The following CAMSAP2 variants were observed in gnomAD, a reference collection of about 807,000 sequenced individuals.
CAMSAP2 encodes the protein calmodulin regulated spectrin associated protein family member 2.
CAMSAP2 carries 26 observed loss-of-function variants against 146.1 expected under a neutral mutation model. The ratio of observed to expected loss-of-function variants is 0.18; its 90% CI spans 0.13 to 0.25. The LOEUF is 0.25. Ranked by LOEUF, CAMSAP2 falls within the 10% of genes least tolerant of loss-of-function variation. CAMSAP2 has a pLI of 1.00. For missense variants in CAMSAP2, 1,381 were observed against 1,759.3 expected, an observed-to-expected ratio of 0.78 and a Z score of 3.85; for synonymous variants, 499 against 596.6, an observed-to-expected ratio of 0.84 and a Z score of 2.38.
intron 1 of CAMSAP2, among the ~76,000 whole-genome samples, chr1:200,748,820 A>G (rs1664418245): frequency 1.3e-5 from 2 of 150,968 alleles, no homozygotes; most frequent in Admixed American, 1.3e-4. Flanking sequence ...GATACTTAAT[A>G]TCTAGTTGTC....
chr1:200,811,936 C>A (rs1388066948), intron 3 of CAMSAP2, among the ~76,000 whole-genome samples: 1 of 152,142 alleles, frequency 6.6e-6, no homozygotes, highest in Non-Finnish European at 1.5e-5. Flanking sequence ...CCTCATGTTT[C>A]CTATTCCTGG....
chr1:200,807,664 A>G (rs1455906887), intron 3 of CAMSAP2, 127 bp downstream of exon 3: 8 of 614,466 alleles, frequency 1.3e-5, no homozygotes, highest in South Asian at 1.1e-4. Flanking sequence ...TGTAAAATAC[A>G]CTTAAATTTT....
Position 200,849,218 on chromosome 1 carries a change from C to G in CAMSAP2, c.2449C>G (p.Arg817Gly), listed in dbSNP as rs759365247. 6.2e-7 allele frequency: 1 copy of G among 1,613,650 alleles called. No individual in the cohort carries two copies. Among genetic ancestry groups the G allele is most frequent in the Non-Finnish European group, 8.5e-7 (1 of 1,179,984 alleles). The change falls in exon 11 of 17, where the codon CGA (arginine) becomes GGA (glycine). Residue 817 changes from arginine (R) to glycine (G), a missense_variant. Transcript: ENST00000358823. This position sits in a 1 kb window ranked among gnomAD's most constrained non-coding sequence, Gnocchi z 6.3. ...GAEDEKVYTDRAKEKESQKTD... is the reference protein window; with the variant it reads ...GAEDEKVYTDGAKEKESQKTD... Reference sequence around the variant, plus strand: ...AGAAGATGAGAAAGTATATACTGATCGAGCAAAAGAAAAGGAATCACAAAA... The same window carrying G: ...AGAAGATGAGAAAGTATATACTGATGGAGCAAAAGAAAAGGAATCACAAAA...
At chr1:200,825,609 C>T (rs947058316) in intron 4 of CAMSAP2, among the ~76,000 whole-genome samples, 4 of 151,438 alleles carry the variant, frequency 2.6e-5, no homozygotes, top group African/African-American at 4.9e-5. Context: ...CAGGTTCAAG[C>T]GATTCTTCTG....
intron 7 of CAMSAP2, 130 bp from the exon 8 acceptor site, chr1:200,844,652 T>G (rs1445405093): frequency 2.1e-6 from 1 of 477,006 alleles, no homozygotes; most frequent in East Asian, 3.5e-5. Flanking sequence ...GAAGAAAACT[T>G]TATGCTATGA....
rs1482126304 is a variant in CAMSAP2 at position 200,738,992 on chromosome 1, G to T, written c.-836G>T. Among the ~76,000 whole-genome samples the T allele has an allele frequency of 6.6e-6, 1 of 151,658 alleles. No homozygotes were observed. Among genetic ancestry groups the T allele is most frequent in the Non-Finnish European group, 1.5e-5 (1 of 67,940 alleles). On this transcript the variant is annotated 5_prime_UTR_variant, in exon 1 of 17. Transcript: ENST00000358823. ...ACGATCCAGCGAGCTGCAGAAAGGGGGGCAGGAAAAAATTACAAGGACATT... is the reference window on the plus strand; with the variant it reads ...ACGATCCAGCGAGCTGCAGAAAGGGTGGCAGGAAAAAATTACAAGGACATT...
chr1:200,832,100 ATTTAT>A lies in CAMSAP2; in HGVS notation c.646-93_646-89del. 5.3e-6 allele frequency: 5 copies of A among 938,042 alleles called. No individual in the cohort carries two copies. The highest frequency in any genetic ancestry group is 6.2e-6 in the Non-Finnish European group (4 of 643,970). 58.1% of individuals were successfully genotyped at this position (938,042 alleles called of 1,614,324 possible). A position where few individuals can be genotyped will look rare whatever the true frequency, so the allele number is the denominator to read the frequency against. ...TTGGTGAGTGGTCTCATTTCTCATG[ATTTAT>A]TTTATTACTGGTACATTAGAATTTA... On this transcript the variant is annotated intron_variant, in intron 4 of 16. Transcript: ENST00000358823. This position sits in a 1 kb window ranked among gnomAD's most constrained non-coding sequence, Gnocchi z 4.2.
At chr1:200,755,320 A>T (rs1440693344) in intron 1 of CAMSAP2, among the ~76,000 whole-genome samples, 1 of 152,262 alleles carries the variant, frequency 6.6e-6, no homozygotes, top group Non-Finnish European at 1.5e-5. Flanking sequence ...AGAGATATAT[A>T]TCTGAAGCAT....
chr1:200,746,398 T>C (rs891673275), intron 1 of CAMSAP2, among the ~76,000 whole-genome samples: 9 of 152,096 alleles, frequency 5.9e-5, no homozygotes, highest in African/African-American at 2.2e-4. Flanking sequence ...AGTGTTAAGA[T>C]TGATTCTATT....
At chr1:200,773,756 C>T (rs1665185719) in intron 2 of CAMSAP2, among the ~76,000 whole-genome samples, 2 of 151,984 alleles carry the variant, frequency 1.3e-5, no homozygotes, top group Non-Finnish European at 2.9e-5. Flanking sequence ...TGCGGTGGCT[C>T]AGGCCTGTAA....
Position 200,849,472 on chromosome 1 carries a change from G to C in CAMSAP2, c.2703G>C (p.Leu901Phe), listed in dbSNP as rs1558209411. ...LHFLQQEMQR[L>F]SLQQEMLMQM... Reference sequence around the variant, plus strand: ...TTCTACAACAAGAAATGCAACGCTTGTCACTTCAGCAGGAGATGTTAATGC... The same window carrying C: ...TTCTACAACAAGAAATGCAACGCTTCTCACTTCAGCAGGAGATGTTAATGC... The change falls in exon 11 of 17, where the codon TTG becomes TTC. Residue 901 changes from leucine to phenylalanine, a missense_variant. Physicochemically the swap from Leu to Phe is conservative, Grantham distance 22. Around this residue, in one of 4 missense-constraint regions of CAMSAP2, gnomAD observed 560 missense variants for 715.9 expected, o/e 0.78. Transcript: ENST00000358823. This position sits in a 1 kb window ranked among gnomAD's most constrained non-coding sequence, Gnocchi z 6.3. The C allele has an allele frequency of 6.2e-7, 1 of 1,614,218 alleles. No individual in the cohort carries two copies. Among genetic ancestry groups the C allele is most frequent in the East Asian group, 2.2e-5 (1 of 44,890 alleles).
rs1463639368 is a variant in CAMSAP2, at chr1:200,848,562, C to A, written c.1793C>A (p.Ala598Asp). ...GATAATGTAACTGATACGAAAGGTGCCTTGAGTCCCATAACTGACAATACT... is the reference window on the plus strand; with the variant it reads ...GATAATGTAACTGATACGAAAGGTGACTTGAGTCCCATAACTGACAATACT... ...SPDNVTDTKGALSPITDNTEV... is the reference protein window; with the variant it reads ...SPDNVTDTKGDLSPITDNTEV... The change falls in exon 11 of 17, where the codon GCC becomes GAC. Residue 598 changes from alanine to aspartate, a missense_variant. Around this residue, in one of 4 missense-constraint regions of CAMSAP2, gnomAD observed 447 missense variants for 462.2 expected, o/e 0.97. Transcript: ENST00000358823. The A allele has an allele frequency of 6.2e-7, 1 of 1,613,840 alleles. No homozygotes were observed. The highest frequency in any genetic ancestry group is 8.5e-7 in the Non-Finnish European group (1 of 1,179,924).
intron 2 of CAMSAP2, among the ~76,000 whole-genome samples, chr1:200,786,141 T>C (rs1665582670): frequency 6.6e-6 from 1 of 152,216 alleles, no homozygotes; most frequent in Admixed American, 6.5e-5. Context: ...CCTGGTGTTA[T>C]TAATATATAT....
chr1:200,785,988 C>G (rs563216286), intron 2 of CAMSAP2, among the ~76,000 whole-genome samples: 2 of 152,310 alleles, frequency 1.3e-5, no homozygotes, highest in South Asian at 4.1e-4. Flanking sequence ...CGGCACCCAG[C>G]CAATTTTGGT....
chr1:200,751,533 C>G (rs1347542412), intron 1 of CAMSAP2, among the ~76,000 whole-genome samples: 1 of 56,852 alleles, frequency 1.8e-5, no homozygotes, highest in African/African-American at 9.0e-5. Context: ...GAGACTCCAT[C>G]TCAAAAAAAA....
intron 2 of CAMSAP2, among the ~76,000 whole-genome samples, chr1:200,778,349 A>C (rs1009794373): frequency 2.6e-5 from 4 of 152,178 alleles, no homozygotes; most frequent in Non-Finnish European, 4.4e-5. Context: ...AGTAAGCAGT[A>C]ATTATTGAAA....
intron 2 of CAMSAP2, among the ~76,000 whole-genome samples, chr1:200,792,575 G>T (rs1047265165): frequency 7.2e-5 from 11 of 152,182 alleles, no homozygotes; most frequent in Non-Finnish European, 1.6e-4. Context: ...AACCCGGGAG[G>T]AGGAGGTTGC....
At chr1:200,838,126 T>G (rs79869095) in intron 6 of CAMSAP2, among the ~76,000 whole-genome samples, 15,328 of 152,236 alleles carry the variant, frequency 0.1, 873 homozygotes, top group Middle Eastern at 0.14. Context: ...TCATAAGTTT[T>G]AATTACTGGG....
At chr1:200,844,151 G>A (rs150439633) in intron 7 of CAMSAP2, among the ~76,000 whole-genome samples, 15,012 of 151,996 alleles carry the variant, frequency 0.099, 851 homozygotes, top group East Asian at 0.17. Flanking sequence ...GATTACAGGC[G>A]TGAACCACCA....
Sources: gnomAD v4.1 joint callset for allele counts (sites outside exome capture counted in the v4.1 genomes callset) on GRCh38, gnomAD v4.1.1 for gene constraint, gnomAD v4.1.1 regional missense constraint, Gnocchi (gnomAD v3.1) non-coding constraint, MANE v1.5 for transcripts, NCBI Gene and HGNC (gene_info 2026-07-23, HGNC 2026-07-21) for gene names.